Variants in OPHN1 observed in about 807,000 individuals in gnomAD.
The protein encoded by OPHN1 is oligophrenin-1.
A neutral mutation model predicts 60.7 loss-of-function variants in OPHN1; 11 were observed. The ratio of observed to expected loss-of-function variants is 0.18; its 90% CI spans 0.11 to 0.30. OPHN1 has a LOEUF of 0.30. OPHN1 is among the 10% of genes least tolerant of loss of function. OPHN1 has a pLI of 1.00. For missense variants in OPHN1, 449 were observed against 611.0 expected (o/e 0.73, Z 2.80); for synonymous variants, 226 against 222.6 (o/e 1.02, Z -0.14).
chrX:68,086,955 T>C (rs913013832), intron 19 of OPHN1, among the ~76,000 whole-genome samples: 3 of 111,761 alleles, frequency 2.7e-5, no homozygotes, highest in African/African-American at 6.5e-5. Context: ...AGTGTCTGAC[T>C]TCAAGGCTAA....
At chrX:68,096,803 C>T (rs2077039780) in intron 19 of OPHN1, 67 bp downstream of exon 19, 1 of 1,105,436 alleles carries the variant, frequency 9.0e-7, no homozygotes, top group Non-Finnish European at 1.2e-6. Context: ...AGACACAGCA[C>T]TAAAAGGCAG....
At chrX:68,378,094 T>G (rs1248659063) in intron 2 of OPHN1, among the ~76,000 whole-genome samples, 1 of 112,062 alleles carries the variant, frequency 8.9e-6, no homozygotes, top group Admixed American at 9.5e-5. Context: ...CAGCATCTGC[T>G]GTTTCCTGAC....
chrX:68,317,422 A>AGGAAGGAAGGAAGGAG (rs1569278228), intron 2 of OPHN1, among the ~76,000 whole-genome samples: 3 of 89,909 alleles, frequency 3.3e-5, no homozygotes, highest in African/African-American at 1.4e-4. Flanking sequence ...GAAGGAAGGA[A>AGGAAGGAAGGAAGGAG]GGAGCGAGGG....
rs2076834504 is a variant in OPHN1, at chrX:68,046,995, T to C, written c.*177A>G. ...AGAATACAAAGGAGATATAAACACCTGTCTAGGACATATGCTCCTTATTTT... is the reference window on the plus strand; with the variant it reads ...AGAATACAAAGGAGATATAAACACCCGTCTAGGACATATGCTCCTTATTTT... On this transcript the variant is annotated 3_prime_UTR_variant, in exon 25 of 25. Transcript: ENST00000355520. 1 of 111,806 alleles carries C rather than the reference T, an allele frequency of 8.9e-6. No homozygotes were observed. The highest frequency in any genetic ancestry group is 3.3e-5 in the African/African-American group (1 of 30,710). 9.2% of individuals were successfully genotyped at this position (111,806 alleles called of 1,213,427 possible). A position where few individuals can be genotyped will look rare whatever the true frequency, so the allele number is the denominator to read the frequency against.
rs1204853429 is a variant in OPHN1 at position 68,090,090 on chromosome X, T to A, written c.1686+6780A>T. 4.5e-5 allele frequency among the ~76,000 whole-genome samples: 5 copies of A among 111,820 alleles called. No individual in the cohort carries two copies. In the East Asian group the frequency reaches 1.4e-3, roughly 31 times the overall value. On this transcript the variant is annotated intron_variant, in intron 19 of 24. Coordinates refer to ENST00000355520, the MANE Select transcript of OPHN1 (RefSeq NM_002547.3). ...TCACATGTAGAGACTAATGAAAATA[T>A]CCTTACATGTACAGATAATAAAAAT...
intron 19 of OPHN1, among the ~76,000 whole-genome samples, chrX:68,077,202 A>G (rs1207451749): frequency 8.9e-6 from 1 of 111,963 alleles, no homozygotes; most frequent in African/African-American, 3.2e-5. Flanking sequence ...CTAAACTGAC[A>G]AAGAAGTGGG....
intron 20 of OPHN1, 92 bp from the exon 21 acceptor site, chrX:68,064,269 T>G: frequency 2.3e-6 from 2 of 877,190 alleles, no homozygotes; most frequent in East Asian, 3.1e-5. Flanking sequence ...TTTTGAAAAT[T>G]TGTATACATT....
At chrX:68,071,893 G>C (rs1313862183) in intron 20 of OPHN1, 2 of 288,521 alleles carry the variant, frequency 6.9e-6, no homozygotes, top group Non-Finnish European at 1.2e-5. Context: ...CTGCCGGGGA[G>C]AATGAATTAC....
rs867164865 is a variant in OPHN1 at position 68,422,728 on chromosome X, G to A, written c.154+10139C>T. Among the ~76,000 whole-genome samples the A allele has an allele frequency of 1.3e-4, 9 of 71,654 alleles. No homozygotes were observed. The East Asian group carries it at 3.3e-3, about 27-fold the overall frequency. The allele number at this position is 71,654 out of a possible 115,157, so 62.2% of individuals were successfully genotyped here. ...GAGAGAGAGAAAGAAAGAAAGGAAG[G>A]AAGGAAGGAAGGAAGGAAGGATGAA... On this transcript the variant is annotated intron_variant, in intron 2 of 24. Transcript: ENST00000355520.
At position 68,210,257 on chromosome X, in the gene OPHN1, C is replaced by T. The variant is rs370987669; in HGVS notation, c.728G>A (p.Arg243Gln). The T allele has an allele frequency of 2.5e-6, 3 of 1,208,351 alleles. No individual in the cohort carries two copies. Among genetic ancestry groups the T allele is most frequent in the Non-Finnish European group, 3.4e-6 (3 of 892,787 alleles). The change falls in exon 9 of 25, where the codon CGG (arginine) becomes CAG (glutamine). Residue 243 changes from arginine to glutamine, a missense_variant. This residue lies in a region of OPHN1 where 166 missense variants were observed against 278.4 expected (regional missense o/e 0.60). Transcript: ENST00000355520. ...QNTRNHFSST[R>Q]EEMEELKKRM... ...TTTCTTAAGTTCTTCCATCTCTTCC[C>T]GGGTACTGGAGAAATGATTTCTTGT...
At chrX:68,267,437 A>G (rs1480076360) in intron 5 of OPHN1, among the ~76,000 whole-genome samples, 1 of 112,247 alleles carries the variant, frequency 8.9e-6, no homozygotes, top group East Asian at 2.8e-4. Flanking sequence ...TACTGGGTAC[A>G]TAACGAAATG....
At chrX:68,422,545 A>C (rs2078831299) in intron 2 of OPHN1, among the ~76,000 whole-genome samples, 1 of 95,499 alleles carries the variant, frequency 1.0e-5, no homozygotes, top group Non-Finnish European at 2.1e-5. Context: ...GAAGGAAGGA[A>C]GGGAAGGAGG....
At chrX:68,401,509 G>A (rs769623776) in intron 2 of OPHN1, among the ~76,000 whole-genome samples, 2 of 112,339 alleles carry the variant, frequency 1.8e-5, no homozygotes, top group South Asian at 7.4e-4. Flanking sequence ...TAACGCAATT[G>A]TACAGTAACA....
chrX:68,335,326 G>T (rs1318820636), intron 2 of OPHN1, among the ~76,000 whole-genome samples: 1 of 111,794 alleles, frequency 8.9e-6, no homozygotes, highest in African/African-American at 3.2e-5. Context: ...ACTTCACAGT[G>T]CAATAGAATC....
intron 4 of OPHN1, among the ~76,000 whole-genome samples, chrX:68,276,943 C>G (rs1440328858): frequency 1.8e-5 from 2 of 111,588 alleles, no homozygotes; most frequent in Admixed American, 1.9e-4. Flanking sequence ...AGGTGCCAAA[C>G]ATTAGGAAAA....
chrX:68,245,756 C>T (rs1452845427), intron 5 of OPHN1, among the ~76,000 whole-genome samples: 1 of 112,461 alleles, frequency 8.9e-6, no homozygotes, highest in Non-Finnish European at 1.9e-5. Context: ...GTCATGCCCT[C>T]TATAACTGGA....
At chrX:68,366,003 T>TA (rs1302591242) in intron 2 of OPHN1, among the ~76,000 whole-genome samples, 1 of 109,463 alleles carries the variant, frequency 9.1e-6, no homozygotes, top group Non-Finnish European at 1.9e-5. Context: ...AAATTCCTCC[T>TA]ATTCTTCTCA....
chrX:68,166,232 A>G (rs983598960), intron 15 of OPHN1, among the ~76,000 whole-genome samples: 1 of 112,522 alleles, frequency 8.9e-6, no homozygotes, highest in Non-Finnish European at 1.9e-5. Flanking sequence ...CAAAACTTTC[A>G]CACCTAAAAA....
At chrX:68,174,404 C>T (rs1173496134) in intron 15 of OPHN1, among the ~76,000 whole-genome samples, 2 of 109,300 alleles carry the variant, frequency 1.8e-5, no homozygotes, top group African/African-American at 6.6e-5. Flanking sequence ...AAAATTAAAA[C>T]TCTAATATTT....
Sources: gnomAD v4.1 joint callset for allele counts (sites outside exome capture counted in the v4.1 genomes callset) on GRCh38, gnomAD v4.1.1 for gene constraint, gnomAD v4.1.1 regional missense constraint, MANE v1.5 for transcripts, NCBI Gene and HGNC (gene_info 2026-07-23, HGNC 2026-07-21) for gene names.